The following DOHH variants were observed in gnomAD, a reference collection of about 807,000 sequenced individuals.
The protein encoded by DOHH is HEAT-like (PBS lyase) repeat containing 1.
In DOHH, 16 loss-of-function variants were observed where a neutral mutation model predicts 19.9. That is an observed-to-expected ratio of 0.80 (90% CI 0.54 to 1.22). DOHH has a LOEUF of 1.22. Ranked by LOEUF, DOHH falls within the 50% of genes most tolerant of loss-of-function variation. DOHH has a pLI of 0.00. For synonymous variants in DOHH, 233 were observed against 217.0 expected, an observed-to-expected ratio of 1.07 and a Z score of -0.65; for missense variants, 460 against 460.6, an observed-to-expected ratio of 1.00 and a Z score of 0.01.
rs1206647077 is a variant in DOHH, at chr19:3,496,095, T to C, written c.274+446A>G. ...GGCACGATCATGGCTCACTGCAACC[T>C]TGACTTCCCGGGCTCCAGCGATTCT... On this transcript the variant is annotated intron_variant, in intron 2 of 4. Coordinates refer to ENST00000427575, the MANE Select transcript of DOHH (RefSeq NM_001145165.2). The surrounding 1 kb of genome is among the most constrained non-coding windows in gnomAD (Gnocchi z 4.8). Among the ~76,000 whole-genome samples the C allele has an allele frequency of 6.6e-6, 1 of 152,112 alleles. No individual in the cohort carries two copies. The highest frequency in any genetic ancestry group is 1.9e-4 in the East Asian group (1 of 5,148).
intron 2 of DOHH, among the ~76,000 whole-genome samples, chr19:3,494,852 C>A (rs1012983123): frequency 2.6e-5 from 4 of 152,264 alleles, no homozygotes; most frequent in Non-Finnish European, 4.4e-5. Context: ...CTGTGTCAGG[C>A]ACCTCCCACG....
intron 1 of DOHH, among the ~76,000 whole-genome samples, chr19:3,499,732 A>G (rs768641237): frequency 5.9e-5 from 9 of 151,890 alleles, no homozygotes; most frequent in African/African-American, 2.4e-5. Flanking sequence ...AGATCGTGCC[A>G]TTGCATTCCA....
chr19:3,496,389 TG>T lies in DOHH; in HGVS notation c.274+151del. ...GCGCTGGCTTTATTGAGTCGCTGTC[TG>T]GCTGCAGAGCTGCAGGTATTTACTA... is the stretch of plus-strand genomic sequence containing the variant. On this transcript the variant is annotated intron_variant, in intron 2 of 4. Coordinates refer to ENST00000427575, the MANE Select transcript of DOHH (RefSeq NM_001145165.2). This position sits in a 1 kb window ranked among gnomAD's most constrained non-coding sequence, Gnocchi z 4.8. 8.3e-7 allele frequency: 1 copy of T among 1,210,864 alleles called. No homozygotes were observed. Among genetic ancestry groups the T allele is most frequent in the Non-Finnish European group, 1.1e-6 (1 of 871,474 alleles). 75.0% of individuals were successfully genotyped at this position (1,210,864 alleles called of 1,614,324 possible). A position where few individuals can be genotyped will look rare whatever the true frequency, so the allele number is the denominator to read the frequency against.
rs2082868058 is a variant in DOHH, at chr19:3,491,401, G to A, written c.*91C>T. The A allele has an allele frequency of 1.5e-6, 2 of 1,343,446 alleles. No homozygotes were observed. The highest frequency in any genetic ancestry group is 1.5e-5 in the African/African-American group (1 of 66,788). 83.2% of individuals were successfully genotyped at this position (1,343,446 alleles called of 1,614,324 possible). A position where few individuals can be genotyped will look rare whatever the true frequency, so the allele number is the denominator to read the frequency against. On this transcript the variant is annotated 3_prime_UTR_variant, in exon 5 of 5. Coordinates refer to ENST00000427575, the MANE Select transcript of DOHH (RefSeq NM_001145165.2). The surrounding 1 kb of genome is among the most constrained non-coding windows in gnomAD (Gnocchi z 5.6). Reference sequence around the variant, plus strand: ...CCAGCAAGACACAAGCGATGACACCGATTTACACACACCCGGTTTAGACGC... The same window carrying A: ...CCAGCAAGACACAAGCGATGACACCAATTTACACACACCCGGTTTAGACGC...
Position 3,499,456 on chromosome 19 carries a change from C to A in DOHH, c.-73+1105G>T, listed in dbSNP as rs111989753. On this transcript the variant is annotated intron_variant, in intron 1 of 4. Transcript: ENST00000427575. ...TATTCCCAGCACTTAGTGCAATGAC[C>A]TGCACGCAGTAGGGCCTCAATAAAA... is the stretch of plus-strand genomic sequence containing the variant. Among the ~76,000 whole-genome samples, 315 of 152,292 alleles carry A rather than the reference C, an allele frequency of 2.1e-3. 1 individual carries two copies. The highest frequency in any genetic ancestry group is 3.5e-3 in the Non-Finnish European group (237 of 68,026).
rs145118849 is a variant in DOHH, at chr19:3,499,313, G to A, written c.-73+1248C>T. Among the ~76,000 whole-genome samples the A allele has an allele frequency of 8.0e-3, 1,218 of 152,132 alleles. 7 individuals are homozygous for A. Among genetic ancestry groups the A allele is most frequent in the Non-Finnish European group, 0.013 (902 of 68,018 alleles). ...ATTCAGCTTTATTTTTCTCCACGGCGCCTAAGACTCCTAGATATCATATTG... is the reference window on the plus strand; with the variant it reads ...ATTCAGCTTTATTTTTCTCCACGGCACCTAAGACTCCTAGATATCATATTG... On this transcript the variant is annotated intron_variant, in intron 1 of 4. Coordinates refer to ENST00000427575, the MANE Select transcript of DOHH (RefSeq NM_001145165.2).
Position 3,492,398 on chromosome 19 carries a change from C to T in DOHH, c.453G>A (p.Pro151=), listed in dbSNP as rs753777762. Reference sequence around the variant, plus strand: ...GCCCCACGTCACGCTCCTCAGCCGGCGGGGCAGGGTCCACGGAGAGGTAGG... The same window carrying T: ...GCCCCACGTCACGCTCCTCAGCCGGTGGGGCAGGGTCCACGGAGAGGTAGG... The part of the protein sequence containing the change: ...AGPYLSVDPA[P]PAEERDVGRL... Residue 151 remains proline (P), a synonymous_variant, in exon 4 of 5, where the codon CCG becomes CCA. Transcript: ENST00000427575. 11 of 1,529,020 alleles carry T rather than the reference C, an allele frequency of 7.2e-6. No individual in the cohort carries two copies. The highest frequency in any genetic ancestry group is 2.0e-5 in the Admixed American group (1 of 50,208). The allele number at this position is 1,529,020 out of a possible 1,614,324, so 94.7% of individuals were successfully genotyped here. A position where few individuals can be genotyped will look rare whatever the true frequency, so the allele number is the denominator to read the frequency against.
chr19:3,493,657 A>G (rs922003582), intron 3 of DOHH, among the ~76,000 whole-genome samples: 2 of 151,950 alleles, frequency 1.3e-5, no homozygotes, highest in African/African-American at 4.8e-5. Context: ...AGATCTCTGA[A>G]GAGGTCTGGT....
Position 3,496,436 on chromosome 19 carries a change from T to G in DOHH, c.274+105A>C. ...TACTATCTGGTGCTCTATGGGGCAG[T>G]TGACCACTCTGATATTTATCACCTG... is the stretch of plus-strand genomic sequence containing the variant. On this transcript the variant is annotated intron_variant, in intron 2 of 4. Coordinates refer to ENST00000427575, the MANE Select transcript of DOHH (RefSeq NM_001145165.2). The surrounding 1 kb of genome is among the most constrained non-coding windows in gnomAD (Gnocchi z 4.8). The G allele has an allele frequency of 6.6e-7, 1 of 1,504,188 alleles. No homozygotes were observed. Among genetic ancestry groups the G allele is most frequent in the African/African-American group, 1.4e-5 (1 of 72,964 alleles). The allele number at this position is 1,504,188 out of a possible 1,614,324, so 93.2% of individuals were successfully genotyped here.
rs756587690 is a variant in DOHH at position 3,491,833 on chromosome 19, G to T, written c.590-22C>A. The T allele has an allele frequency of 1.4e-6, 2 of 1,435,800 alleles. No individual in the cohort carries two copies. Among genetic ancestry groups the T allele is most frequent in the African/African-American group, 3.0e-5 (2 of 66,410 alleles). 88.9% of individuals were successfully genotyped at this position (1,435,800 alleles called of 1,614,324 possible). ...AGACCTGCAGGGGAGAGGGACACTC[G>T]CTGGGGCCAGGAGGGGTGGGAAGGG... On this transcript the variant is annotated intron_variant, in intron 4 of 4. Transcript: ENST00000427575. This position sits in a 1 kb window ranked among gnomAD's most constrained non-coding sequence, Gnocchi z 5.6.
rs1402234182 is a variant in DOHH at position 3,492,319 on chromosome 19, C to T, written c.532G>A (p.Ala178Thr). The T allele has an allele frequency of 9.7e-6, 15 of 1,543,864 alleles. No homozygotes were observed. The highest frequency in any genetic ancestry group is 1.3e-5 in the Non-Finnish European group (15 of 1,152,822). ...CCCGCGTTGCGCAGGGCGAACATGG[C>T]GCGGTATCGCTCGAAGAGCGGCCGG... ...ESRPLFERYR[A>T]MFALRNAGGE... is the part of the protein sequence containing the mutation. Residue 178 changes from alanine (A) to threonine (T), a missense_variant, in exon 4 of 5, where the codon GCC becomes ACC. Coordinates refer to ENST00000427575, the MANE Select transcript of DOHH (RefSeq NM_001145165.2).
chr19:3,492,934 G>C (rs181852084), intron 3 of DOHH, among the ~76,000 whole-genome samples: 1 of 152,368 alleles, frequency 6.6e-6, no homozygotes, highest in Admixed American at 6.5e-5. Context: ...GCATGGAACA[G>C]AACAGCAGAA....
rs1191720441 is a variant in DOHH at position 3,496,010 on chromosome 19, G to A, written c.274+531C>T. On this transcript the variant is annotated intron_variant, in intron 2 of 4. Transcript: ENST00000427575. The surrounding 1 kb of genome is among the most constrained non-coding windows in gnomAD (Gnocchi z 4.8). Reference sequence around the variant, plus strand: ...TCAAATCTCAGCATTTACAAATGAAGTTTGTTTTTTGTTTTTTCACAGACA... The same window carrying A: ...TCAAATCTCAGCATTTACAAATGAAATTTGTTTTTTGTTTTTTCACAGACA... Among the ~76,000 whole-genome samples, 1 of 151,912 alleles carries A rather than the reference G, an allele frequency of 6.6e-6. No homozygotes were observed. The highest frequency in any genetic ancestry group is 1.9e-4 in the East Asian group (1 of 5,138).
chr19:3,495,993 C>A (rs1431270389), intron 2 of DOHH, among the ~76,000 whole-genome samples: 1 of 152,148 alleles, frequency 6.6e-6, no homozygotes, highest in Non-Finnish European at 1.5e-5. Flanking sequence ...ATTCAAATCT[C>A]AGCATTTACA....
intron 3 of DOHH, among the ~76,000 whole-genome samples, chr19:3,492,865 G>A (rs768260841): frequency 5.9e-5 from 9 of 152,214 alleles, no homozygotes; most frequent in Non-Finnish European, 1.3e-4. Flanking sequence ...AGGCCTGCGG[G>A]CCACTGTAAG....
At position 3,496,834 on chromosome 19, in the gene DOHH, G is replaced by A. The variant is rs757916302; in HGVS notation, c.-20C>T. ...CACCATCGTGCTGTCAATGGGTCCC[G>A]GCCTTCCACAACCCTGCTCAGGCTA... On this transcript the variant is annotated 5_prime_UTR_variant, in exon 2 of 5. Coordinates refer to ENST00000427575, the MANE Select transcript of DOHH (RefSeq NM_001145165.2). The surrounding 1 kb of genome is among the most constrained non-coding windows in gnomAD (Gnocchi z 4.8). The A allele has an allele frequency of 1.6e-5, 24 of 1,543,820 alleles. No individual in the cohort carries two copies. Among genetic ancestry groups the A allele is most frequent in the African/African-American group, 1.5e-4 (11 of 72,838 alleles).
rs1382267211 is a variant in DOHH at position 3,494,109 on chromosome 19, G to A, written c.275-5C>T. ...CGATGGCCCCCAGGGCCTCCCCTGG[G>A]AAGAAGCAGCCGGAGAGCTCATGTT... On this transcript the variant is annotated splice_region_variant and splice_polypyrimidine_tract_variant and intron_variant, in intron 2 of 4. Coordinates refer to ENST00000427575, the MANE Select transcript of DOHH (RefSeq NM_001145165.2). 6 of 1,612,950 alleles carry A rather than the reference G, an allele frequency of 3.7e-6. No individual in the cohort carries two copies. Among genetic ancestry groups the A allele is most frequent in the Non-Finnish European group, 5.1e-6 (6 of 1,179,146 alleles).
Position 3,494,091 on chromosome 19 carries a change from C to T in DOHH, c.288G>A (p.Gly96=). 6.2e-7 allele frequency: 1 copy of T among 1,613,650 alleles called. No individual in the cohort carries two copies. The highest frequency in any genetic ancestry group is 8.5e-7 in the Non-Finnish European group (1 of 1,179,676). ...CCAGAACTTCCGGGTCCCCGATGGC[C>T]CCCAGGGCCTCCCCTGGGAAGAAGC... ...MVRHEAGEAL[G]AIGDPEVLEI... is the part of the protein sequence containing the mutation. The change falls in exon 3 of 5, where the codon GGG becomes GGA. Residue 96 remains glycine, a synonymous_variant. Transcript: ENST00000427575.
At chr19:3,499,019 A>C (rs548183236) in intron 1 of DOHH, among the ~76,000 whole-genome samples, 12,259 of 152,158 alleles carry the variant, frequency 0.081, 1,714 homozygotes, top group African/African-American at 0.28. Flanking sequence ...GAGGGTATAT[A>C]AGCTCTGGAA....
Sources: allele counts gnomAD v4.1 joint callset (sites outside exome capture counted in the v4.1 genomes callset), GRCh38; gene constraint gnomAD v4.1.1; non-coding constraint Gnocchi (gnomAD v3.1); transcripts MANE v1.5; gene names NCBI Gene and HGNC (gene_info 2026-07-23, HGNC 2026-07-21).